WRN: variants seen among roughly 807,000 people sequenced by gnomAD.
WRN encodes WRN RecQ like helicase, also known as bifunctional 3'-5' exonuclease/ATP-dependent helicase WRN.
In WRN, 149 loss-of-function variants were observed where a neutral mutation model predicts 180.7. That is an observed-to-expected ratio of 0.82 (90% CI 0.72 to 0.94). WRN has a LOEUF of 0.94. WRN is among the 40% of genes least tolerant of loss of function. WRN has a pLI of 0.00. For missense variants in WRN, 1,661 were observed against 1,700.1 expected (o/e 0.98, Z 0.40); for synonymous variants, 548 against 568.9 (o/e 0.96, Z 0.52).
At chr8:31,037,978 ATATT>A (rs1427106978) in intron 1 of WRN, among the ~76,000 whole-genome samples, 2 of 152,102 alleles carry the variant, frequency 1.3e-5, no homozygotes, top group African/African-American at 4.8e-5. Flanking sequence ...TATATATGCC[ATATT>A]TATTTATTCA....
At chr8:31,145,892 GA>G (rs1262257902) in intron 28 of WRN, among the ~76,000 whole-genome samples, 1 of 152,104 alleles carries the variant, frequency 6.6e-6, no homozygotes, top group African/African-American at 2.4e-5. Context: ...GAGTAGTCCA[GA>G]AGTTAATTTA....
At position 31,087,815 on chromosome 8, in the gene WRN, C is replaced by A. The variant is rs2130155891; in HGVS notation, c.1471C>A (p.His491Asn). 3 of 1,613,614 alleles carry A rather than the reference C, an allele frequency of 1.9e-6. No individual in the cohort carries two copies. The highest frequency in any genetic ancestry group is 2.2e-5 in the South Asian group (2 of 91,056). ...NLNSGTVEPT[H>N]SKCLKMERNL... ...CAATAGTGGCACGGTAGAACCAACT[C>A]ATTCTAAATGCTTAAAAATGGAAAG... The change falls in exon 12 of 35, where the codon CAT (histidine) becomes AAT (asparagine). Residue 491 changes from histidine to asparagine, a missense_variant. His to Asn is a moderately conservative substitution (Grantham distance 68). Around this residue, in one of 3 missense-constraint regions of WRN, gnomAD observed 1,141 missense variants for 1,149.4 expected, o/e 0.99. Transcript: ENST00000298139.
intron 2 of WRN, 54 bp from the exon 3 acceptor site, chr8:31,059,099 C>T (rs1416624888): frequency 7.8e-7 from 1 of 1,285,454 alleles, no homozygotes; most frequent in Non-Finnish European, 1.1e-6. Flanking sequence ...TTTCAGTGAA[C>T]ATTTGTTATT....
At chr8:31,042,316 T>C (rs1239649554) in intron 1 of WRN, among the ~76,000 whole-genome samples, 1 of 152,196 alleles carries the variant, frequency 6.6e-6, no homozygotes, top group Non-Finnish European at 1.5e-5. Context: ...AAGCTTGTGA[T>C]CTACTAGACA....
In WRN at chr8:31,085,222, A is replaced by G. The variant is rs774024124; in HGVS notation, c.1407A>G (p.Glu469=). The G allele has an allele frequency of 3.7e-6, 6 of 1,612,796 alleles. No homozygotes were observed. The East Asian group carries it at 1.3e-4, about 36-fold the overall frequency. The change falls in exon 11 of 35, where the codon GAA becomes GAG. Residue 469 remains glutamate, a synonymous_variant. Coordinates refer to ENST00000298139, the MANE Select transcript of WRN (RefSeq NM_000553.6). ...NDTSYVIESD[E]DLEMEMLKSL... ...CGTCCTATGTAATTGAGAGTGATGA[A>G]GATTTAGAAATGGAGATGCTTAAGG...
At chr8:31,158,866 G>A (rs1803493309) in intron 33 of WRN, among the ~76,000 whole-genome samples, 1 of 151,958 alleles carries the variant, frequency 6.6e-6, no homozygotes, top group African/African-American at 2.4e-5. Context: ...AGGGATGCGG[G>A]GGAGTGGCCA....
At chr8:31,071,117 A>G (rs1812899432) in intron 7 of WRN, among the ~76,000 whole-genome samples, 1 of 152,022 alleles carries the variant, frequency 6.6e-6, no homozygotes, top group Non-Finnish European at 1.5e-5. Context: ...TACAGGTGCC[A>G]AGTTACAGAG....
rs1230077323 is a variant in WRN at position 31,058,523 on chromosome 8, T to C, written c.76T>C (p.Cys26Arg). The C allele has an allele frequency of 6.2e-7, 1 of 1,613,782 alleles. No homozygotes were observed. Among genetic ancestry groups the C allele is most frequent in the East Asian group, 2.2e-5 (1 of 44,804 alleles). ...ATGGATGAATGTGCAGAATAAAAGATGTGCTGTAGAAGAAAGAAAGGTATG... is the reference window on the plus strand; with the variant it reads ...ATGGATGAATGTGCAGAATAAAAGACGTGCTGTAGAAGAAAGAAAGGTATG... ...PEWMNVQNKR[C>R]AVEERKACVR... The change falls in exon 2 of 35, where the codon TGT becomes CGT. Residue 26 changes from cysteine to arginine, a missense_variant. Physicochemically the swap from Cys to Arg is radical, Grantham distance 180. Coordinates refer to ENST00000298139, the MANE Select transcript of WRN (RefSeq NM_000553.6).
At chr8:31,069,602 A>G (rs1812832907) in intron 7 of WRN, among the ~76,000 whole-genome samples, 1 of 152,276 alleles carries the variant, frequency 6.6e-6, no homozygotes, top group Non-Finnish European at 1.5e-5. Flanking sequence ...GATTTAAAGT[A>G]TACAGGACAA....
chr8:31,167,054 G>A lies in WRN; in HGVS notation c.4015G>A (p.Val1339Ile), dbSNP rs11574395. The change falls in exon 34 of 35, where the codon GTT becomes ATT. Residue 1339 changes from valine to isoleucine, a missense_variant. Coordinates refer to ENST00000298139, the MANE Select transcript of WRN (RefSeq NM_000553.6). ...MSKISLIRML[V>I]PENIDTYLIH... ...TAAAATTAGCCTAATCAGAATGTTA[G>A]TTCCTGAAAACATTGACACGTACCT... 7.0e-4 allele frequency: 1,125 copies of A among 1,613,080 alleles called. 10 individuals are homozygous for A. The African/African-American group carries it at 0.014, about 20-fold the overall frequency.
intron 24 of WRN, among the ~76,000 whole-genome samples, chr8:31,137,579 A>G (rs1308315540): frequency 1.3e-5 from 2 of 152,196 alleles, no homozygotes; most frequent in Non-Finnish European, 2.9e-5. Context: ...ACTAATAAAA[A>G]GCAGATTAAT....
chr8:31,080,582 T>C (rs998043969), intron 8 of WRN, among the ~76,000 whole-genome samples: 10 of 151,918 alleles, frequency 6.6e-5, no homozygotes, highest in Non-Finnish European at 1.2e-4. Flanking sequence ...ATTAAATTAA[T>C]CAACAAAAAA....
At position 31,124,422 on chromosome 8, in the gene WRN, T is replaced by G. The variant is rs1351451780; in HGVS notation, c.2631-100T>G. ...TTTTATCTTGATGGGGTGTGGGTTT[T>G]GTAGATAATGAAAAATAAACAGTAA... On this transcript the variant is annotated intron_variant, in intron 21 of 34. Transcript: ENST00000298139. 4.4e-6 allele frequency: 4 copies of G among 917,658 alleles called. No homozygotes were observed. The East Asian group carries it at 1.1e-4, about 24-fold the overall frequency. 56.8% of individuals were successfully genotyped at this position (917,658 alleles called of 1,614,324 possible).
chr8:31,154,637 C>T lies in WRN; in HGVS notation c.3701C>T (p.Ser1234Leu), dbSNP rs1433999102. The T allele has an allele frequency of 6.2e-7, 1 of 1,612,770 alleles. No homozygotes were observed. Among genetic ancestry groups the T allele is most frequent in the South Asian group, 1.1e-5 (1 of 91,006 alleles). ...AAAATTCTGTAGACAGACCTCTTTTCAAGTACAAAACCTCAAGAAGAACAG... is the reference window on the plus strand; with the variant it reads ...AAAATTCTGTAGACAGACCTCTTTTTAAGTACAAAACCTCAAGAAGAACAG... ...QTNSVQTDLF[S>L]STKPQEEQKT... Residue 1234 changes from serine (S) to leucine (L), a missense_variant, in exon 32 of 35, where the codon TCA becomes TTA. Ser to Leu is a moderately radical substitution (Grantham distance 145, BLOSUM62 -2). Around this residue, in one of 3 missense-constraint regions of WRN, gnomAD observed 1,141 missense variants for 1,149.4 expected, o/e 0.99. Coordinates refer to ENST00000298139, the MANE Select transcript of WRN (RefSeq NM_000553.6).
intron 20 of WRN, among the ~76,000 whole-genome samples, chr8:31,118,292 T>G (rs1801592701): frequency 6.6e-6 from 1 of 152,128 alleles, no homozygotes; most frequent in Admixed American, 6.6e-5. Flanking sequence ...TGTCACAAAT[T>G]TTTATCCACA....
intron 31 of WRN, among the ~76,000 whole-genome samples, chr8:31,152,792 A>C (rs1458553587): frequency 1.3e-5 from 2 of 152,184 alleles, no homozygotes. Context: ...TAATCCCAGC[A>C]CTTTGGGAGG....
intron 4 of WRN, among the ~76,000 whole-genome samples, chr8:31,064,687 A>G (rs1812623930): frequency 6.6e-6 from 1 of 152,234 alleles, no homozygotes; most frequent in Non-Finnish European, 1.5e-5. Context: ...TGACCAGGAT[A>G]TGTACTGCTA....
At chr8:31,147,591 T>A in intron 30 of WRN, 115 bp downstream of exon 30, 1 of 948,210 alleles carries the variant, frequency 1.1e-6, no homozygotes, top group Non-Finnish European at 1.7e-6. Context: ...GGGAGGTGAC[T>A]CAGATTCCCC....
intron 3 of WRN, among the ~76,000 whole-genome samples, chr8:31,059,661 A>G (rs1301120166): frequency 5.9e-5 from 9 of 152,228 alleles, no homozygotes; most frequent in South Asian, 4.1e-4. Flanking sequence ...TTTATATTTC[A>G]TTAAAAATAT....
Sources: gnomAD v4.1 joint callset for allele counts (sites outside exome capture counted in the v4.1 genomes callset) on GRCh38, gnomAD v4.1.1 for gene constraint, gnomAD v4.1.1 regional missense constraint, MANE v1.5 for transcripts, NCBI Gene and HGNC (gene_info 2026-07-23, HGNC 2026-07-21) for gene names.